Variants in NUP160 observed in about 807,000 individuals in gnomAD.
NUP160 encodes the protein nucleoporin 160, also known as nuclear pore complex protein Nup160.
In NUP160, 94 loss-of-function variants were observed where a neutral mutation model predicts 196.9. That is an observed-to-expected ratio of 0.48 (90% CI 0.40 to 0.57). The LOEUF (loss-of-function observed/expected upper bound fraction) is 0.57. NUP160 is among the 20% of genes least tolerant of loss of function. The probability of loss-of-function intolerance (pLI) is 0.00; values close to 1 mark genes in which losing one functional copy is unlikely to be tolerated. For synonymous variants in NUP160, 605 were observed against 619.7 expected (o/e 0.98, Z 0.35); for missense variants, 1,638 against 1,748.3 (o/e 0.94, Z 1.13).
At chr11:47,806,850 C>CAT (rs1163911031) in intron 19 of NUP160, among the ~76,000 whole-genome samples, 140 of 113,668 alleles carry the variant, frequency 1.2e-3, no homozygotes, top group African/African-American at 4.3e-3. Context: ...CACACACACA[C>CAT]ACATATATAT....
At chr11:47,796,480 T>G in intron 27 of NUP160, 1 of 284,726 alleles carries the variant, frequency 3.5e-6, no homozygotes, top group South Asian at 1.2e-4. Context: ...AACAAACAAG[T>G]AAGTAAATAA....
chr11:47,789,862 A>G (rs2097666890), intron 29 of NUP160, among the ~76,000 whole-genome samples: 1 of 151,854 alleles, frequency 6.6e-6, no homozygotes, highest in Non-Finnish European at 1.5e-5. Context: ...AAACTTAGCT[A>G]CTAATAGCCT....
Position 47,835,701 on chromosome 11 carries a change from T to C in NUP160, c.1051A>G (p.Thr351Ala), listed in dbSNP as rs3816605. Residue 351 changes from threonine (T) to alanine (A), a missense_variant, in exon 7 of 36, where the codon ACC (threonine) becomes GCC (alanine). By Grantham distance (58) the Thr-to-Ala change is moderately conservative. Coordinates refer to ENST00000378460, the Ensembl canonical transcript of NUP160. ...TATATCCCCAGGTAGAGTCCCATGG[T>C]GGGGGAATAAGCAAGCCGTAATTTG... The C allele has an allele frequency of 0.43, 691,292 of 1,601,690 alleles. 155,576 individuals carry two copies. The highest frequency in any genetic ancestry group is 0.53 in the South Asian group (47,119 of 88,196).
At chr11:47,778,172 G>C (rs376470844) in exon 36 of NUP160, 1 of 150,914 alleles carries the variant, frequency 6.6e-6, no homozygotes, top group East Asian at 2.0e-4. Flanking sequence ...AAAATTAAAG[G>C]CTTCTGAAAA....
intron 23 of NUP160, among the ~76,000 whole-genome samples, chr11:47,798,704 C>T (rs1290307987): frequency 6.6e-6 from 1 of 151,844 alleles, no homozygotes; most frequent in Non-Finnish European, 1.5e-5. Context: ...GTGGCATGCG[C>T]CTGTAGTTGT....
At chr11:47,803,330 G>A in intron 22 of NUP160, 108 bp downstream of exon 22, 2 of 688,688 alleles carry the variant, frequency 2.9e-6, no homozygotes, top group South Asian at 1.7e-5. Flanking sequence ...TTAACTTTAT[G>A]TAGAGGATTC....
chr11:47,778,133 T>C (rs1477328056), exon 36 of NUP160: 1 of 145,574 alleles, frequency 6.9e-6, no homozygotes, highest in Non-Finnish European at 1.5e-5. Context: ...AATTAAAGTA[T>C]ATAATGTAAA....
intron 2 of NUP160, among the ~76,000 whole-genome samples, chr11:47,841,860 G>GT (rs1852305674): frequency 6.6e-6 from 1 of 151,694 alleles, no homozygotes; most frequent in African/African-American, 2.4e-5. Context: ...GCTAATTTTT[G>GT]TATTTTTTAG....
At chr11:47,804,679 G>A in intron 20 of NUP160, 61 bp from the exon 21 acceptor site, 5 of 1,126,712 alleles carry the variant, frequency 4.4e-6, no homozygotes, top group South Asian at 3.5e-5. Context: ...ATATACATTG[G>A]GCATCAAATT....
intron 23 of NUP160, among the ~76,000 whole-genome samples, chr11:47,800,085 C>T (rs1382164845): frequency 2.6e-5 from 4 of 151,826 alleles, no homozygotes; most frequent in African/African-American, 9.7e-5. Flanking sequence ...GAAACCCTGT[C>T]CCTACCAAAA....
At chr11:47,806,082 G>C in intron 20 of NUP160, 71 bp downstream of exon 20, 1 of 1,437,960 alleles carries the variant, frequency 7.0e-7, no homozygotes, top group South Asian at 1.2e-5. Flanking sequence ...CCAAAGTGCT[G>C]GGATTACAGG....
At chr11:47,842,995 A>G (rs904840917) in intron 2 of NUP160, among the ~76,000 whole-genome samples, 1 of 152,036 alleles carries the variant, frequency 6.6e-6, no homozygotes, top group African/African-American at 2.4e-5. Context: ...TCTAAAAAAA[A>G]ACAAACAAAC....
intron 17 of NUP160, 125 bp from the exon 18 acceptor site, chr11:47,808,654 C>T (rs921990649): frequency 4.3e-5 from 28 of 646,674 alleles, no homozygotes; most frequent in East Asian, 3.9e-4. Flanking sequence ...AAAAGCAACA[C>T]GTTTTACATT....
In NUP160 at chr11:47,797,847, T is replaced by G. The variant is rs139507898; in HGVS notation, c.3221A>C (p.Asp1074Ala). Residue 1074 changes from aspartate (D) to alanine (A), a missense_variant, in exon 27 of 36, where the codon GAC becomes GCC. Around this residue, in one of 3 missense-constraint regions of NUP160, gnomAD observed 1,345 missense variants for 1,470.2 expected, o/e 0.91. Transcript: ENST00000378460. ...TTCATAGTAATTGTGAGTCATAAGG[T>G]CCACAGCTCTAGCACGTGACTCAAT... 11 of 1,612,404 alleles carry G rather than the reference T, an allele frequency of 6.8e-6. No homozygotes were observed. The highest frequency in any genetic ancestry group is 1.1e-5 in the South Asian group (1 of 90,922).
intron 2 of NUP160, among the ~76,000 whole-genome samples, chr11:47,845,710 C>T (rs1401607127): frequency 6.6e-6 from 1 of 152,130 alleles, no homozygotes; most frequent in Non-Finnish European, 1.5e-5. Context: ...TTTCTTTCTT[C>T]CTGTTTTCTT....
At chr11:47,848,517 G>GA (rs1294047439), upstream of NUP160, 14 of 959,204 alleles carry the variant, frequency 1.5e-5, no homozygotes, top group Middle Eastern at 6.6e-4. Flanking sequence ...AGGGGGCAGG[G>GA]GAGGCAGACT....
exon 15 of NUP160, chr11:47,812,900 T>C: frequency 6.2e-7 from 1 of 1,612,844 alleles, no homozygotes; most frequent in Non-Finnish European, 8.5e-7. Flanking sequence ...AGTGATCATA[T>C]CTTCCAGAAT....
At position 47,813,033 on chromosome 11, in the gene NUP160, G is replaced by C. The variant is rs776466688; in HGVS notation, c.1801C>G (p.Arg601Gly). The C allele has an allele frequency of 2.5e-6, 4 of 1,606,830 alleles. No individual in the cohort carries two copies. In the African/African-American group the frequency reaches 4.0e-5, roughly 16 times the overall value. The change falls in exon 15 of 36, where the codon CGG (arginine) becomes GGG (glycine). Residue 601 changes from arginine to glycine, a missense_variant. Physicochemically the swap from Arg to Gly is moderately radical, Grantham distance 125. Coordinates refer to ENST00000378460, the Ensembl canonical transcript of NUP160. ...CATTTTATAAGACATATGACATCCC[G>C]AGCGATGTCCACATCTACAAATAAG... is the stretch of plus-strand genomic sequence containing the variant.
intron 3 of NUP160, 35 bp downstream of exon 3, chr11:47,840,343 T>C (rs1434864726): frequency 6.5e-7 from 1 of 1,541,356 alleles, no homozygotes; most frequent in African/African-American, 1.4e-5. Flanking sequence ...CAGAGTAATT[T>C]GGGAAATAAA....
Sources: gnomAD v4.1 joint callset for allele counts (sites outside exome capture counted in the v4.1 genomes callset) on GRCh38, gnomAD v4.1.1 for gene constraint, gnomAD v4.1.1 regional missense constraint, MANE v1.5 for transcripts, NCBI Gene and HGNC (gene_info 2026-07-23, HGNC 2026-07-21) for gene names.